EEFSEC: variants seen among roughly 807,000 people sequenced by gnomAD.
The protein encoded by EEFSEC is selenocysteine-specific elongation factor.
Under a neutral mutation model 42.1 loss-of-function variants are expected in EEFSEC, and 43 were observed. The observed-to-expected ratio is 1.02, with a 90% CI of 0.80 to 1.32. The LOEUF (loss-of-function observed/expected upper bound fraction) is 1.32, where lower values mean the gene tolerates loss of function less well. Ranked by LOEUF, EEFSEC falls within the 40% of genes most tolerant of loss-of-function variation. The pLI, the probability that EEFSEC is intolerant of heterozygous loss-of-function variation, is 0.00. For synonymous variants in EEFSEC, 354 were observed against 339.1 expected, an observed-to-expected ratio of 1.04 and a Z score of -0.48; for missense variants, 745 against 803.6, an observed-to-expected ratio of 0.93 and a Z score of 0.88.
intron 4 of EEFSEC, among the ~76,000 whole-genome samples, chr3:128,334,014 G>A (rs2067162663): frequency 6.6e-6 from 1 of 152,218 alleles, no homozygotes; most frequent in Non-Finnish European, 1.5e-5. Flanking sequence ...GGGAGGTTGG[G>A]AGGGAGGGAT....
intron 4 of EEFSEC, among the ~76,000 whole-genome samples, chr3:128,331,092 C>A (rs1264568737): frequency 7.2e-5 from 2 of 27,928 alleles, no homozygotes; most frequent in African/African-American, 3.6e-4. Flanking sequence ...CCTCTTCCCC[C>A]TTCCTCAATG....
chr3:128,405,277 A>C (rs532017363), intron 6 of EEFSEC, among the ~76,000 whole-genome samples: 14 of 152,164 alleles, frequency 9.2e-5, no homozygotes, highest in Admixed American at 6.5e-5. Flanking sequence ...CGGCCTCCCA[A>C]AGTGCTAGGA....
chr3:128,290,739 GTTGTT>G (rs1318216855), intron 4 of EEFSEC, among the ~76,000 whole-genome samples: 2 of 151,772 alleles, frequency 1.3e-5, no homozygotes, highest in Non-Finnish European at 2.9e-5. Flanking sequence ...GTTTTTTGGG[GTTGTT>G]TTGTTTGTTT....
intron 1 of EEFSEC, among the ~76,000 whole-genome samples, chr3:128,197,124 T>A (rs904529585): frequency 6.6e-6 from 1 of 152,280 alleles, no homozygotes; most frequent in African/African-American, 2.4e-5. Flanking sequence ...AAATAAACAC[T>A]GACTATTCCC....
intron 4 of EEFSEC, among the ~76,000 whole-genome samples, chr3:128,306,842 T>A (rs75587748): frequency 6.6e-5 from 10 of 152,290 alleles, no homozygotes; most frequent in African/African-American, 2.2e-4. Flanking sequence ...GCTAATTGGT[T>A]GAGCTGTGAT....
intron 4 of EEFSEC, among the ~76,000 whole-genome samples, chr3:128,290,908 CT>C (rs1283836228): frequency 6.6e-6 from 1 of 151,704 alleles, no homozygotes; most frequent in African/African-American, 2.4e-5. Flanking sequence ...CCATACCTGG[CT>C]TTTTTTTATT....
chr3:128,226,096 T>A (rs898560288), intron 1 of EEFSEC, among the ~76,000 whole-genome samples: 1 of 152,212 alleles, frequency 6.6e-6, no homozygotes, highest in Non-Finnish European at 1.5e-5. Context: ...TGCCAGCAAG[T>A]GTGCTGAGAA....
rs1244192172 is a variant in EEFSEC, at chr3:128,407,991, G to A, written c.1601-78G>A. 2.2e-6 allele frequency: 3 copies of A among 1,372,732 alleles called. No individual in the cohort carries two copies. In the South Asian group the frequency reaches 4.3e-5, roughly 20 times the overall value. 85.0% of individuals were successfully genotyped at this position (1,372,732 alleles called of 1,614,324 possible). A position where few individuals can be genotyped will look rare whatever the true frequency, so the allele number is the denominator to read the frequency against. On this transcript the variant is annotated intron_variant, in intron 6 of 6. Coordinates refer to ENST00000254730, the MANE Select transcript of EEFSEC (RefSeq NM_021937.5). Reference sequence around the variant, plus strand: ...GGGAGGCAGAAGAGGGGTGAGTCTAGGCAGCAGGTGCGCGGGCAGGGAGCC... The same window carrying A: ...GGGAGGCAGAAGAGGGGTGAGTCTAAGCAGCAGGTGCGCGGGCAGGGAGCC...
At chr3:128,362,415 G>A (rs2067538361) in intron 6 of EEFSEC, among the ~76,000 whole-genome samples, 1 of 152,252 alleles carries the variant, frequency 6.6e-6, no homozygotes, top group South Asian at 2.1e-4. Flanking sequence ...GGGCACACAT[G>A]TGCCCGTGAT....
chr3:128,242,867 G>A (rs888148417), intron 1 of EEFSEC, among the ~76,000 whole-genome samples: 7 of 152,002 alleles, frequency 4.6e-5, no homozygotes, highest in African/African-American at 1.7e-4. Context: ...TTTTTGTCTT[G>A]TGTTTCCCAC....
chr3:128,287,220 A>G (rs1336620418), intron 4 of EEFSEC, among the ~76,000 whole-genome samples: 1 of 152,218 alleles, frequency 6.6e-6, no homozygotes, highest in Non-Finnish European at 1.5e-5. Context: ...TTTGTCTTGA[A>G]GCGTGAAGCC....
intron 6 of EEFSEC, among the ~76,000 whole-genome samples, chr3:128,396,322 G>A (rs1259199364): frequency 1.3e-5 from 2 of 152,182 alleles, no homozygotes; most frequent in Non-Finnish European, 2.9e-5. Flanking sequence ...AGCTACTGGC[G>A]AGGACATGTG....
At chr3:128,213,741 A>G (rs974040408) in intron 1 of EEFSEC, among the ~76,000 whole-genome samples, 16 of 151,004 alleles carry the variant, frequency 1.1e-4, no homozygotes, top group African/African-American at 4.0e-4. Flanking sequence ...GTTAGAAAAA[A>G]ATCAAATAAG....
chr3:128,228,034 G>A (rs572957991), intron 1 of EEFSEC, among the ~76,000 whole-genome samples: 1 of 152,196 alleles, frequency 6.6e-6, no homozygotes, highest in South Asian at 2.1e-4. Flanking sequence ...CCACCACTGA[G>A]GACTAGAGAA....
chr3:128,228,175 G>C (rs2107860447), intron 1 of EEFSEC, among the ~76,000 whole-genome samples: 1 of 152,286 alleles, frequency 6.6e-6, no homozygotes, highest in South Asian at 2.1e-4. Context: ...CCATGTGCAA[G>C]GGATTCTGTG....
At chr3:128,192,363 G>T (rs2065534555) in intron 1 of EEFSEC, among the ~76,000 whole-genome samples, 1 of 152,154 alleles carries the variant, frequency 6.6e-6, no homozygotes, top group Non-Finnish European at 1.5e-5. Flanking sequence ...AGAGACCATG[G>T]TGGCTGCAGC....
At chr3:128,382,427 G>A (rs2067787565) in intron 6 of EEFSEC, among the ~76,000 whole-genome samples, 1 of 152,182 alleles carries the variant, frequency 6.6e-6, no homozygotes, top group South Asian at 2.1e-4. Context: ...CCATGCAGGT[G>A]CGCCTACGTC....
At chr3:128,298,067 G>C (rs894540986) in intron 4 of EEFSEC, among the ~76,000 whole-genome samples, 4 of 152,218 alleles carry the variant, frequency 2.6e-5, no homozygotes, top group Admixed American at 2.0e-4. Context: ...GCTGACACAG[G>C]CTTCAAGAAA....
chr3:128,175,628 A>G (rs1035663741), intron 1 of EEFSEC, among the ~76,000 whole-genome samples: 4 of 152,094 alleles, frequency 2.6e-5, no homozygotes, highest in African/African-American at 9.6e-5. Context: ...TCCCAGATAC[A>G]TGGGCTATGC....
Sources: gnomAD v4.1 joint callset for allele counts (sites outside exome capture counted in the v4.1 genomes callset) on GRCh38, gnomAD v4.1.1 for gene constraint, MANE v1.5 for transcripts, NCBI Gene and HGNC (gene_info 2026-07-23, HGNC 2026-07-21) for gene names.